The following SEMA3E variants were observed in gnomAD, a reference collection of about 807,000 sequenced individuals.
SEMA3E encodes semaphorin 3E.
In SEMA3E, 49 loss-of-function variants were observed where a neutral mutation model predicts 93.6. The ratio of observed to expected loss-of-function variants is 0.52; its 90% CI spans 0.42 to 0.66. The LOEUF (loss-of-function observed/expected upper bound fraction) is 0.66, where lower values mean the gene tolerates loss of function less well. Among genes scored for constraint, SEMA3E ranks in the 30% least tolerant of loss-of-function variants. The pLI is 0.00. For synonymous variants in SEMA3E, 363 were observed against 330.7 expected, an observed-to-expected ratio of 1.10 and a Z score of -1.06; for missense variants, 906 against 964.8, an observed-to-expected ratio of 0.94 and a Z score of 0.81.
rs969407620 is a variant in SEMA3E, at chr7:83,367,368, C to T, written c.*218G>A. 5.2e-5 allele frequency: 28 copies of T among 537,732 alleles called. No homozygotes were observed. Among genetic ancestry groups the T allele is most frequent in the Middle Eastern group, 5.0e-4 (1 of 1,994 alleles). 33.3% of individuals were successfully genotyped at this position (537,732 alleles called of 1,614,324 possible). On this transcript the variant is annotated 3_prime_UTR_variant, in exon 17 of 17. Coordinates refer to ENST00000643230, the MANE Select transcript of SEMA3E (RefSeq NM_012431.3). Reference sequence around the variant, plus strand: ...GTTTTTTGATAAACATAATGAGAAACCATTAAGCAATGCATTTATTTAAAA... The same window carrying T: ...GTTTTTTGATAAACATAATGAGAAATCATTAAGCAATGCATTTATTTAAAA...
chr7:83,541,130 T>C (rs947435561), intron 1 of SEMA3E, among the ~76,000 whole-genome samples: 2 of 152,228 alleles, frequency 1.3e-5, no homozygotes, highest in Admixed American at 6.5e-5. Context: ...AGTTCTGGCC[T>C]GTGCTCCACC....
chr7:83,522,859 C>A (rs1791076819), intron 1 of SEMA3E, among the ~76,000 whole-genome samples: 1 of 152,118 alleles, frequency 6.6e-6, no homozygotes, highest in African/African-American at 2.4e-5. Context: ...TTTGCTCAGT[C>A]TGCCTGAGAG....
intron 2 of SEMA3E, among the ~76,000 whole-genome samples, chr7:83,471,772 C>T (rs1472123252): frequency 6.6e-6 from 1 of 151,858 alleles, no homozygotes; most frequent in African/African-American, 2.4e-5. Context: ...ATCAAAAATC[C>T]CATTTCAGTA....
rs551049056 is a variant in SEMA3E, at chr7:83,367,582, C to A, written c.*4G>T. The stretch of plus-strand genomic sequence containing the variant: ...TTCAAAAGACAGTAGATAGTCTCAC[C>A]CCATCAGGAGTCCAGCGTGTGCCTG... On this transcript the variant is annotated 3_prime_UTR_variant, in exon 17 of 17. Coordinates refer to ENST00000643230, the MANE Select transcript of SEMA3E (RefSeq NM_012431.3). The A allele has an allele frequency of 6.2e-7, 1 of 1,613,706 alleles. No homozygotes were observed. The highest frequency in any genetic ancestry group is 1.1e-5 in the South Asian group (1 of 91,058).
chr7:83,551,468 A>G (rs1395873749), intron 1 of SEMA3E, among the ~76,000 whole-genome samples: 2 of 151,494 alleles, frequency 1.3e-5, no homozygotes, highest in Non-Finnish European at 2.9e-5. Context: ...AAACAAAACA[A>G]TAAGAGTGAT....
intron 1 of SEMA3E, among the ~76,000 whole-genome samples, chr7:83,493,823 C>G (rs148506405): frequency 7.8e-4 from 119 of 151,968 alleles, no homozygotes; most frequent in African/African-American, 2.7e-3. Context: ...TTAATTTTCT[C>G]TAAGGCCTGG....
chr7:83,513,437 T>C (rs776295694), intron 1 of SEMA3E, among the ~76,000 whole-genome samples: 1 of 152,172 alleles, frequency 6.6e-6, no homozygotes, highest in Non-Finnish European at 1.5e-5. Context: ...ACAAAAAATA[T>C]GCATTTCTAA....
At chr7:83,478,703 T>C (rs6976446) in intron 2 of SEMA3E, among the ~76,000 whole-genome samples, 87,084 of 152,050 alleles carry the variant, frequency 0.57, 26,028 homozygotes, top group African/African-American at 0.74. Flanking sequence ...AGTTCATAAC[T>C]ATTACTAGGG....
At chr7:83,512,754 G>A (rs184486850) in intron 1 of SEMA3E, among the ~76,000 whole-genome samples, 8 of 152,120 alleles carry the variant, frequency 5.3e-5, no homozygotes, top group South Asian at 2.1e-4. Context: ...ATGATACAAC[G>A]TATATACATT....
At chr7:83,394,906 A>G in intron 12 of SEMA3E, among the ~76,000 whole-genome samples, 1 of 152,144 alleles carries the variant, frequency 6.6e-6, no homozygotes, top group East Asian at 1.9e-4. Flanking sequence ...TTGGGAACCA[A>G]CATGTTGTTT....
At chr7:83,571,810 T>G (rs1422052466) in intron 1 of SEMA3E, among the ~76,000 whole-genome samples, 1 of 152,186 alleles carries the variant, frequency 6.6e-6, no homozygotes, top group Non-Finnish European at 1.5e-5. Flanking sequence ...AGTATGAATC[T>G]TTACATAGAA....
intron 16 of SEMA3E, among the ~76,000 whole-genome samples, chr7:83,376,075 A>G (rs1794818277): frequency 6.6e-6 from 1 of 152,124 alleles, no homozygotes. Context: ...CATTTTTTAA[A>G]TAGACTGAAA....
rs1788760805 is a variant in SEMA3E at position 83,425,937 on chromosome 7, TCATA to T, written c.457-7458_457-7455del. On this transcript the variant is annotated intron_variant, in intron 4 of 16. Transcript: ENST00000643230. Reference sequence around the variant, plus strand: ...GGGAGAAAGACATGAACAAATTCTTTCATACATACAAGTAGCCAACAACCATATG... The same window carrying T: ...GGGAGAAAGACATGAACAAATTCTTTCATACAAGTAGCCAACAACCATATG... 4.3e-5 allele frequency among the ~76,000 whole-genome samples: 3 copies of T among 69,634 alleles called. No individual in the cohort carries two copies. In the East Asian group the frequency reaches 5.8e-4, roughly 14 times the overall value. The allele number at this position is 69,634 out of a possible 152,430, so 45.7% of individuals were successfully genotyped here. A position where few individuals can be genotyped will look rare whatever the true frequency, so the allele number is the denominator to read the frequency against.
chr7:83,586,175 T>G (rs1047082016), intron 1 of SEMA3E, among the ~76,000 whole-genome samples: 48 of 152,084 alleles, frequency 3.2e-4, no homozygotes, highest in Non-Finnish European at 5.9e-4. Context: ...AGAGAAGAAA[T>G]CCTTATGACA....
chr7:83,496,986 G>C (rs1350313111), intron 1 of SEMA3E, among the ~76,000 whole-genome samples: 1 of 152,022 alleles, frequency 6.6e-6, no homozygotes, highest in Non-Finnish European at 1.5e-5. Context: ...GAATTGCTTG[G>C]GGATGGAATG....
In SEMA3E at chr7:83,402,687, G is replaced by C; in HGVS notation, c.1088C>G (p.Pro363Arg). Reference protein sequence around the residue: ...FNGPYAHKEGPEYHWSVYEGK... With the variant: ...FNGPYAHKEGREYHWSVYEGK... ...TTCATAGACTGACCAGTGGTATTCAGGTCCTTCCTTATGTGCATATGGTCC... is the reference window on the plus strand; with the variant it reads ...TTCATAGACTGACCAGTGGTATTCACGTCCTTCCTTATGTGCATATGGTCC... Residue 363 changes from proline (P) to arginine (R), a missense_variant, in exon 10 of 17, where the codon CCT (proline) becomes CGT (arginine). Pro to Arg is a moderately radical substitution (Grantham distance 103). Transcript: ENST00000643230. 1 of 1,613,070 alleles carries C rather than the reference G, an allele frequency of 6.2e-7. No individual in the cohort carries two copies. The highest frequency in any genetic ancestry group is 8.5e-7 in the Non-Finnish European group (1 of 1,179,258).
At chr7:83,623,231 A>G (rs1562859505) in intron 1 of SEMA3E, among the ~76,000 whole-genome samples, 1 of 152,170 alleles carries the variant, frequency 6.6e-6, no homozygotes, top group African/African-American at 2.4e-5. Flanking sequence ...ATAATTTATA[A>G]AAAGAAAATA....
intron 1 of SEMA3E, among the ~76,000 whole-genome samples, chr7:83,575,768 C>G (rs1306695998): frequency 6.6e-6 from 1 of 152,038 alleles, no homozygotes; most frequent in Non-Finnish European, 1.5e-5. Context: ...GAAAATATAT[C>G]TTAACATTTT....
intron 11 of SEMA3E, among the ~76,000 whole-genome samples, chr7:83,399,413 C>T (rs1562763914): frequency 6.6e-6 from 1 of 152,078 alleles, no homozygotes; most frequent in Non-Finnish European, 1.5e-5. Context: ...TTATTGGTAA[C>T]ATTTGGCCTG....
Sources: allele counts gnomAD v4.1 joint callset (sites outside exome capture counted in the v4.1 genomes callset), GRCh38; gene constraint gnomAD v4.1.1; transcripts MANE v1.5; gene names NCBI Gene and HGNC (gene_info 2026-07-23, HGNC 2026-07-21).